The following FGF13 variants were observed in gnomAD, a reference collection of about 807,000 sequenced individuals.
FGF13 encodes the protein fibroblast growth factor homologous factor 2.
Under a neutral mutation model 19.5 loss-of-function variants are expected in FGF13, and 2 were observed. The ratio of observed to expected loss-of-function variants is 0.10; its 90% CI spans 0.04 to 0.32. The LOEUF (loss-of-function observed/expected upper bound fraction) is 0.32, where lower values mean the gene tolerates loss of function less well. Ranked by LOEUF, FGF13 falls within the 10% of genes least tolerant of loss-of-function variation. FGF13 has a pLI of 1.00. For missense variants in FGF13, 113 were observed against 192.7 expected, an observed-to-expected ratio of 0.59 and a Z score of 2.45; for synonymous variants, 72 against 76.9, an observed-to-expected ratio of 0.94 and a Z score of 0.33.
intron 1 of FGF13, among the ~76,000 whole-genome samples, chrX:139,177,238 CTTTT>C (rs35867493): frequency 2.0e-5 from 1 of 49,943 alleles, no homozygotes. Context: ...GCAACCCCTG[CTTTT>C]TTTTTTTTTT....
At chrX:138,883,975 C>A (rs756021756) in intron 1 of FGF13, among the ~76,000 whole-genome samples, 1 of 112,185 alleles carries the variant, frequency 8.9e-6, no homozygotes, top group Admixed American at 9.5e-5. Flanking sequence ...AGTTAGAAGA[C>A]GTGGGGTCTA....
chrX:138,965,970 T>C (rs1461153866), intron 1 of FGF13, among the ~76,000 whole-genome samples: 1 of 112,789 alleles, frequency 8.9e-6, no homozygotes, highest in Non-Finnish European at 1.9e-5. Context: ...GATTTCTGCT[T>C]TGGCTTTAAA....
chrX:138,911,504 T>C (rs968898386), intron 1 of FGF13, among the ~76,000 whole-genome samples: 8 of 110,840 alleles, frequency 7.2e-5, no homozygotes, highest in African/African-American at 2.0e-4. Flanking sequence ...GGAAAAATAA[T>C]TAATGGATAC....
chrX:138,699,329 ATTTC>A (rs897742418), intron 3 of FGF13, among the ~76,000 whole-genome samples: 8 of 111,639 alleles, frequency 7.2e-5, no homozygotes, highest in African/African-American at 2.3e-4. Flanking sequence ...AAAGAATACC[ATTTC>A]TTATGTCTGT....
intron 1 of FGF13, among the ~76,000 whole-genome samples, chrX:138,719,455 T>A (rs1224172728): frequency 1.8e-5 from 2 of 111,927 alleles, no homozygotes; most frequent in Admixed American, 1.9e-4. Context: ...AGTTTAACAC[T>A]AGAACCTGTT....
At chrX:138,812,681 A>G (rs2090934889) in intron 3 of FGF13, among the ~76,000 whole-genome samples, 1 of 111,800 alleles carries the variant, frequency 8.9e-6, no homozygotes, top group South Asian at 3.7e-4. Context: ...CATGAATAAG[A>G]TTTGTAACAT....
intron 1 of FGF13, among the ~76,000 whole-genome samples, chrX:139,080,280 C>G (rs1481036449): frequency 8.9e-6 from 1 of 111,878 alleles, no homozygotes; most frequent in Admixed American, 9.5e-5. Context: ...CCATGCCAAT[C>G]TCTCTTGGTA....
chrX:139,166,175 A>G (rs113308524), intron 1 of FGF13, among the ~76,000 whole-genome samples: 3 of 111,720 alleles, frequency 2.7e-5, no homozygotes, highest in Non-Finnish European at 5.7e-5. Context: ...TGTAGTTCCC[A>G]TAATCCCCAC....
At chrX:138,875,470 G>T (rs992655264) in intron 1 of FGF13, among the ~76,000 whole-genome samples, 1 of 111,858 alleles carries the variant, frequency 8.9e-6, no homozygotes, top group Admixed American at 9.5e-5. Flanking sequence ...AGTGTCACTT[G>T]TTAGGGGAAA....
At chrX:139,144,936 T>C (rs1366839949) in intron 1 of FGF13, among the ~76,000 whole-genome samples, 1 of 112,056 alleles carries the variant, frequency 8.9e-6, no homozygotes, top group Non-Finnish European at 1.9e-5. Context: ...AACATGTTCA[T>C]ATAAATAATA....
At chrX:138,983,593 G>A (rs1159720434) in intron 1 of FGF13, among the ~76,000 whole-genome samples, 1 of 108,218 alleles carries the variant, frequency 9.2e-6, no homozygotes, top group East Asian at 2.9e-4. Flanking sequence ...CGTAAAATGG[G>A]GCAGCTGCTA....
Position 138,730,800 on chromosome X carries a change from A to T in FGF13, c.28+8442T>A, listed in dbSNP as rs770540210. Among the ~76,000 whole-genome samples, 4 of 111,380 alleles carry T rather than the reference A, an allele frequency of 3.6e-5. No homozygotes were observed. The Admixed American group carries it at 3.8e-4, about 11-fold the overall frequency. On this transcript the variant is annotated intron_variant, in intron 1 of 4. Coordinates refer to the FGF13 transcript ENST00000305414. ...GAATTTGGGAGCTAGAAGAAGAGAG[A>T]CTCAATTACATATTGCTTACAAGAA...
intron 1 of FGF13, among the ~76,000 whole-genome samples, chrX:139,001,327 T>C (rs1259905969): frequency 9.0e-6 from 1 of 111,393 alleles, no homozygotes; most frequent in Admixed American, 9.5e-5. Flanking sequence ...AAAGCCAAAA[T>C]TGACAAGTGG....
At chrX:138,686,184 T>A (rs1258110531) in intron 3 of FGF13, among the ~76,000 whole-genome samples, 2 of 111,703 alleles carry the variant, frequency 1.8e-5, no homozygotes, top group African/African-American at 6.5e-5. Context: ...AGCTTTTCCC[T>A]AATGCTCCAA....
intron 1 of FGF13, among the ~76,000 whole-genome samples, chrX:139,002,977 T>A (rs1456376429): frequency 1.8e-5 from 2 of 112,087 alleles, no homozygotes; most frequent in African/African-American, 6.5e-5. Context: ...GAGAAGAGAC[T>A]CCTTCTGTTT....
chrX:139,088,698 ATTTTCCACATTTTT>A (rs1479323438), intron 1 of FGF13, among the ~76,000 whole-genome samples: 1 of 111,478 alleles, frequency 9.0e-6, no homozygotes, highest in Non-Finnish European at 1.9e-5. Context: ...GACTGCTGTG[ATTTTCCACATTTTT>A]TTTTCCACAG....
chrX:138,937,365 A>T (rs750994009), intron 1 of FGF13, among the ~76,000 whole-genome samples: 1 of 111,834 alleles, frequency 8.9e-6, no homozygotes, highest in Admixed American at 9.5e-5. Flanking sequence ...ATGAACCCTC[A>T]TCTGTACTCA....
At chrX:138,704,741 T>C (rs1445768643) in intron 2 of FGF13, among the ~76,000 whole-genome samples, 2 of 112,517 alleles carry the variant, frequency 1.8e-5, no homozygotes, top group African/African-American at 6.5e-5. Context: ...CACATGCCAC[T>C]GATGGCACTT....
intron 1 of FGF13, among the ~76,000 whole-genome samples, chrX:138,969,479 T>C (rs979329723): frequency 7.2e-5 from 8 of 111,628 alleles, no homozygotes; most frequent in Non-Finnish European, 1.3e-4. Context: ...GCAAAGCAGT[T>C]TGTGGAGAAG....
Sources: gnomAD v4.1 joint callset for allele counts (sites outside exome capture counted in the v4.1 genomes callset) on GRCh38, gnomAD v4.1.1 for gene constraint, MANE v1.5 for transcripts, NCBI Gene and HGNC (gene_info 2026-07-23, HGNC 2026-07-21) for gene names.